Variants in SLC16A12 observed in about 807,000 individuals in gnomAD.
SLC16A12 encodes monocarboxylate transporter 12.
In SLC16A12, 17 loss-of-function variants were observed where a neutral mutation model predicts 42.4. The ratio of observed to expected loss-of-function variants is 0.40; its 90% confidence interval spans 0.27 to 0.60. The LOEUF is 0.60. Among genes scored for constraint, SLC16A12 ranks in the 20% least tolerant of loss-of-function variants. SLC16A12 has a pLI of 0.42. For missense variants in SLC16A12, 544 were observed against 623.0 expected, an observed-to-expected ratio of 0.87 and a Z score of 1.35; for synonymous variants, 224 against 229.4, an observed-to-expected ratio of 0.98 and a Z score of 0.21.
chr10:89,440,636 T>C (rs953605340), intron 5 of SLC16A12, among the ~76,000 whole-genome samples: 8 of 152,350 alleles, frequency 5.3e-5, no homozygotes, highest in Middle Eastern at 3.4e-3. Flanking sequence ...TTCCACAGCA[T>C]TGAGAAAGAA....
chr10:89,553,894 G>T (rs987271858), intron 2 of SLC16A12, among the ~76,000 whole-genome samples: 13 of 151,630 alleles, frequency 8.6e-5, no homozygotes, highest in African/African-American at 3.2e-4. Flanking sequence ...TACTTGGGAG[G>T]CTGAGGCAGA....
intron 3 of SLC16A12, among the ~76,000 whole-genome samples, chr10:89,446,381 G>A (rs1263359619): frequency 6.6e-6 from 1 of 152,190 alleles, no homozygotes; most frequent in Non-Finnish European, 1.5e-5. Flanking sequence ...CCCACAAAGG[G>A]AAGCCCATCA....
chr10:89,486,221 A>G (rs755373928), intron 2 of SLC16A12, among the ~76,000 whole-genome samples: 1 of 152,082 alleles, frequency 6.6e-6, no homozygotes, highest in Non-Finnish European at 1.5e-5. Context: ...ACTGAGGATG[A>G]TCTAGGTTGT....
rs555191844 is a variant in SLC16A12, at chr10:89,531,512, A to G, written c.-47+2989T>C. ...TAACAGCCAAGTATACAAATTTATT[A>G]AGATGATAGCTATTTCCCACAGCGG... On this transcript the variant is annotated intron_variant, in intron 2 of 7. Transcript: ENST00000371790. 5.3e-5 allele frequency among the ~76,000 whole-genome samples: 8 copies of G among 152,346 alleles called. No individual in the cohort carries two copies. The East Asian group carries it at 9.6e-4, about 18-fold the overall frequency.
At chr10:89,505,791 C>T (rs959612002) in intron 2 of SLC16A12, among the ~76,000 whole-genome samples, 20 of 152,196 alleles carry the variant, frequency 1.3e-4, no homozygotes, top group African/African-American at 3.4e-4. Flanking sequence ...CCTGGCTCAG[C>T]AGGTTCCACG....
intron 2 of SLC16A12, among the ~76,000 whole-genome samples, chr10:89,526,048 T>A (rs1377253747): frequency 1.3e-5 from 2 of 152,180 alleles, no homozygotes; most frequent in Non-Finnish European, 2.9e-5. Context: ...CCCAGTGATT[T>A]GTGCATGATG....
rs776599640 is a variant in SLC16A12 at position 89,443,793 on chromosome 10, C to A, written c.267G>T (p.Trp89Cys). The change falls in exon 4 of 8, where the codon TGG (tryptophan) becomes TGT (cysteine). Residue 89 changes from tryptophan to cysteine, a missense_variant. Coordinates refer to ENST00000371790, the MANE Select transcript of SLC16A12 (RefSeq NM_213606.4). ...YFTQDYAQTAWIHSIVDCVTM... is the reference protein window; with the variant it reads ...YFTQDYAQTACIHSIVDCVTM... ...TCACACAATCTACAATGGAATGGAT[C>A]CATGCCGTTTGTGCGTAATCCTGAG... The A allele has an allele frequency of 1.2e-6, 2 of 1,613,992 alleles. No individual in the cohort carries two copies. The highest frequency in any genetic ancestry group is 1.7e-6 in the Non-Finnish European group (2 of 1,179,868).
At chr10:89,504,882 C>G (rs1404556093) in intron 2 of SLC16A12, among the ~76,000 whole-genome samples, 1 of 152,050 alleles carries the variant, frequency 6.6e-6, no homozygotes, top group Non-Finnish European at 1.5e-5. Flanking sequence ...AACATGCAGC[C>G]CCGAGCACCA....
intron 3 of SLC16A12, among the ~76,000 whole-genome samples, chr10:89,445,512 C>T: frequency 6.6e-6 from 1 of 152,182 alleles, no homozygotes; most frequent in African/African-American, 2.4e-5. Flanking sequence ...AGCTGAGGGA[C>T]CTGACTGTTA....
At chr10:89,460,950 A>T (rs1279834430) in intron 3 of SLC16A12, among the ~76,000 whole-genome samples, 4 of 152,190 alleles carry the variant, frequency 2.6e-5, no homozygotes, top group African/African-American at 4.8e-5. Context: ...TGTAGCAAAG[A>T]TAAACATCTT....
intron 3 of SLC16A12, among the ~76,000 whole-genome samples, chr10:89,449,991 C>T (rs1317125511): frequency 1.3e-5 from 2 of 152,142 alleles, no homozygotes; most frequent in Non-Finnish European, 2.9e-5. Flanking sequence ...TTTATGCAGC[C>T]AACAGACACA....
chr10:89,543,003 C>T (rs775986400), intron 2 of SLC16A12, among the ~76,000 whole-genome samples: 24 of 152,162 alleles, frequency 1.6e-4, no homozygotes, highest in Non-Finnish European at 3.2e-4. Context: ...TCTGGGCTAC[C>T]CCTTCCTTTC....
chr10:89,471,663 T>G (rs556932518), intron 2 of SLC16A12, among the ~76,000 whole-genome samples: 1 of 152,192 alleles, frequency 6.6e-6, no homozygotes, highest in African/African-American at 2.4e-5. Context: ...AAGAAATTGC[T>G]CAATCATAGG....
intron 2 of SLC16A12, among the ~76,000 whole-genome samples, chr10:89,472,402 TAA>T (rs1449820035): frequency 6.6e-6 from 1 of 152,052 alleles, no homozygotes; most frequent in Non-Finnish European, 1.5e-5. Flanking sequence ...CATATCTACT[TAA>T]GTTAGTTGAT....
intron 2 of SLC16A12, 30 bp from the exon 3 acceptor site, chr10:89,462,654 T>A: frequency 6.6e-7 from 1 of 1,514,244 alleles, no homozygotes; most frequent in Non-Finnish European, 8.8e-7. Context: ...CATATTTATA[T>A]CTTATTGCTA....
intron 3 of SLC16A12, among the ~76,000 whole-genome samples, chr10:89,459,587 G>GACAA (rs377535753): frequency 2.5e-4 from 38 of 150,032 alleles, no homozygotes; most frequent in Admixed American, 4.6e-4. Flanking sequence ...TATGCACAGT[G>GACAA]ACAAACAAAC....
chr10:89,495,890 G>A (rs956481377), intron 2 of SLC16A12, among the ~76,000 whole-genome samples: 1 of 152,268 alleles, frequency 6.6e-6, no homozygotes, highest in South Asian at 2.1e-4. Context: ...AGTTTCTACT[G>A]AATGTGTATT....
chr10:89,461,598 C>G (rs1344142719), intron 3 of SLC16A12, among the ~76,000 whole-genome samples: 1 of 152,202 alleles, frequency 6.6e-6, no homozygotes, highest in African/African-American at 2.4e-5. Flanking sequence ...TGACTATGAT[C>G]TCTTGCCATC....
At chr10:89,474,307 C>T (rs1842543526) in intron 2 of SLC16A12, among the ~76,000 whole-genome samples, 1 of 152,210 alleles carries the variant, frequency 6.6e-6, no homozygotes, top group Admixed American at 6.5e-5. Flanking sequence ...ATTCCTCTCA[C>T]CTTACCCAAA....
Sources: allele counts gnomAD v4.1 joint callset (sites outside exome capture counted in the v4.1 genomes callset), GRCh38; gene constraint gnomAD v4.1.1; transcripts MANE v1.5; gene names NCBI Gene and HGNC (gene_info 2026-07-23, HGNC 2026-07-21).